Variants in RMDN2 observed in about 807,000 individuals in gnomAD.
The protein encoded by RMDN2 is regulator of microtubule dynamics protein 2.
Under a neutral mutation model 52.8 loss-of-function variants are expected in RMDN2, and 61 were observed. That is an observed-to-expected ratio of 1.16 (90% confidence interval 0.94 to 1.43). The LOEUF (loss-of-function observed/expected upper bound fraction) is 1.43, where lower values mean the gene tolerates loss of function less well. Among genes scored for constraint, RMDN2 ranks in the 40% most tolerant of loss-of-function variants. The pLI is 0.00. For missense variants in RMDN2, 592 were observed against 475.3 expected, an observed-to-expected ratio of 1.25 and a Z score of -2.28; for synonymous variants, 180 against 153.1, an observed-to-expected ratio of 1.18 and a Z score of -1.30.
At chr2:38,028,572 C>A (rs946556318) in intron 10 of RMDN2, among the ~76,000 whole-genome samples, 2 of 152,174 alleles carry the variant, frequency 1.3e-5, no homozygotes, top group African/African-American at 4.8e-5. Flanking sequence ...CCTCAGCAGC[C>A]CTTCTTCCCA....
chr2:38,003,518 A>T (rs1029616490), intron 8 of RMDN2, among the ~76,000 whole-genome samples: 3 of 150,970 alleles, frequency 2.0e-5, no homozygotes, highest in African/African-American at 7.3e-5. Flanking sequence ...GCGCCACTGC[A>T]CTCCAGCCTG....
At chr2:37,983,628 C>T (rs545222524) in intron 5 of RMDN2, among the ~76,000 whole-genome samples, 2 of 152,050 alleles carry the variant, frequency 1.3e-5, no homozygotes, top group East Asian at 3.9e-4. Context: ...TGCAAAAGTC[C>T]TCCTTAAATT....
downstream of RMDN2, among the ~76,000 whole-genome samples, chr2:38,022,443 C>T (rs186693678): frequency 2.5e-4 from 38 of 152,264 alleles, 1 homozygote; most frequent in East Asian, 6.9e-3. Flanking sequence ...TGCTAGATCA[C>T]GAAGTCCAAG....
At chr2:37,942,675 C>G (rs1216240508) in intron 2 of RMDN2, among the ~76,000 whole-genome samples, 1 of 152,106 alleles carries the variant, frequency 6.6e-6, no homozygotes, top group Non-Finnish European at 1.5e-5. Flanking sequence ...CCAGTACGAT[C>G]AAACTTTTCA....
At chr2:37,994,785 A>T (rs1675282614) in intron 7 of RMDN2, among the ~76,000 whole-genome samples, 1 of 152,242 alleles carries the variant, frequency 6.6e-6, no homozygotes, top group Non-Finnish European at 1.5e-5. Flanking sequence ...ATTCCTAAGT[A>T]TTCACCAAGA....
intron 10 of RMDN2, among the ~76,000 whole-genome samples, chr2:38,052,735 T>C (rs570698205): frequency 2.0e-5 from 3 of 152,176 alleles, no homozygotes; most frequent in Non-Finnish European, 2.9e-5. Context: ...TCACCAGCAA[T>C]TGGTGTTTTT....
Position 37,929,505 on chromosome 2 carries a change from G to A in RMDN2, c.228G>A (p.Leu76=), listed in dbSNP as rs1393761048. The part of the protein sequence containing the change: ...VIFQERQLQI[L]EKLNELLTNM... The stretch of plus-strand genomic sequence containing the variant: ...TTCAAGAAAGGCAACTTCAGATACT[G>A]GAGAAGTTAAACGAATTACTGACAA... The change falls in exon 2 of 11, where the codon CTG becomes CTA. Residue 76 remains leucine, a synonymous_variant. Transcript: ENST00000354545. The A allele has an allele frequency of 6.4e-7, 1 of 1,551,052 alleles. No individual in the cohort carries two copies. The highest frequency in any genetic ancestry group is 8.7e-7 in the Non-Finnish European group (1 of 1,146,292).
chr2:38,057,244 G>A (rs926942582), intron 10 of RMDN2, among the ~76,000 whole-genome samples: 10 of 152,238 alleles, frequency 6.6e-5, no homozygotes, highest in Admixed American at 6.5e-4. Context: ...CTTTGCAGGT[G>A]CCTTGTGGTC....
At chr2:37,987,856 C>G (rs12712570) in intron 5 of RMDN2, among the ~76,000 whole-genome samples, 1 of 151,892 alleles carries the variant, frequency 6.6e-6, no homozygotes, top group Non-Finnish European at 1.5e-5. Flanking sequence ...GTCAGGAGTT[C>G]GAGACCAGTC....
intron 10 of RMDN2, among the ~76,000 whole-genome samples, chr2:38,033,866 G>A (rs946789525): frequency 4.6e-5 from 7 of 152,138 alleles, no homozygotes; most frequent in Non-Finnish European, 1.0e-4. Context: ...GTTAGCCTGG[G>A]AATTATCTTT....
chr2:37,964,151 G>A (rs993006850), intron 2 of RMDN2, among the ~76,000 whole-genome samples: 17 of 151,740 alleles, frequency 1.1e-4, no homozygotes, highest in Non-Finnish European at 1.6e-4. Context: ...GGCGCCTGCC[G>A]GGCGGAGGGG....
chr2:37,981,939 T>C (rs1673373418), intron 5 of RMDN2, among the ~76,000 whole-genome samples: 1 of 152,082 alleles, frequency 6.6e-6, no homozygotes, highest in South Asian at 2.1e-4. Flanking sequence ...TTGTTTTAAA[T>C]TATTATTCTT....
chr2:37,938,381 T>G (rs893585640), intron 2 of RMDN2, among the ~76,000 whole-genome samples: 2 of 152,120 alleles, frequency 1.3e-5, no homozygotes, highest in African/African-American at 4.8e-5. Context: ...CTCTGCCAGG[T>G]TTTGGTATCA....
chr2:37,933,848 A>G (rs1030267773), intron 2 of RMDN2, among the ~76,000 whole-genome samples: 1 of 152,234 alleles, frequency 6.6e-6, no homozygotes, highest in Non-Finnish European at 1.5e-5. Flanking sequence ...ATCTTTCTAA[A>G]TAAGTATGTA....
At chr2:37,941,711 A>G (rs1468875172) in intron 2 of RMDN2, among the ~76,000 whole-genome samples, 1 of 151,948 alleles carries the variant, frequency 6.6e-6, no homozygotes, top group African/African-American at 2.4e-5. Context: ...AAAACTGCCT[A>G]CTCACGCCTC....
chr2:37,977,368 C>T (rs1010259257), intron 4 of RMDN2, among the ~76,000 whole-genome samples: 10 of 152,170 alleles, frequency 6.6e-5, no homozygotes, highest in African/African-American at 4.8e-5. Context: ...ACCTCCCAGA[C>T]GGGGTGGTGG....
At chr2:38,003,851 C>T in intron 8 of RMDN2, 140 bp from the exon 9 acceptor site, 1 of 675,254 alleles carries the variant, frequency 1.5e-6, no homozygotes, top group South Asian at 1.8e-5. Flanking sequence ...TCAAGTGATT[C>T]AAATGTGAAA....
chr2:38,025,251 T>C (rs1419499960), intron 10 of RMDN2, among the ~76,000 whole-genome samples: 1 of 152,106 alleles, frequency 6.6e-6, no homozygotes, highest in Non-Finnish European at 1.5e-5. Flanking sequence ...AAGTATTTCA[T>C]ATTTTGATGC....
In RMDN2 at chr2:38,061,454, G is replaced by A. The variant is rs557147088; in HGVS notation, c.1714-5528G>A. Among the ~76,000 whole-genome samples the A allele has an allele frequency of 3.3e-5, 5 of 152,044 alleles. No homozygotes were observed. The South Asian group carries it at 1.0e-3, about 32-fold the overall frequency. On this transcript the variant is annotated intron_variant, in intron 10 of 10. Coordinates refer to the RMDN2 transcript ENST00000234195. ...TTGTGACCATAAAAATCAATTTAAT[G>A]AATTGCAACCCTCTTTTTTTTTTAA...
Sources: gnomAD v4.1 joint callset for allele counts (sites outside exome capture counted in the v4.1 genomes callset) on GRCh38, gnomAD v4.1.1 for gene constraint, MANE v1.5 for transcripts, NCBI Gene and HGNC (gene_info 2026-07-23, HGNC 2026-07-21) for gene names.